ATP10A: variants seen among roughly 807,000 people sequenced by gnomAD.
ATP10A encodes the protein phospholipid-transporting ATPase VA.
ATP10A carries 111 observed loss-of-function variants against 147.8 expected under a neutral mutation model. The observed-to-expected ratio is 0.75, with a 90% CI of 0.64 to 0.88. The LOEUF (loss-of-function observed/expected upper bound fraction) is 0.88. Ranked by LOEUF, ATP10A falls within the 40% of genes least tolerant of loss-of-function variation. The probability of loss-of-function intolerance (pLI) is 0.00; values close to 1 mark genes in which losing one functional copy is unlikely to be tolerated. For synonymous variants in ATP10A, 875 were observed against 841.6 expected, an observed-to-expected ratio of 1.04 and a Z score of -0.69; for missense variants, 1,927 against 1,959.0, an observed-to-expected ratio of 0.98 and a Z score of 0.31.
At chr15:25,698,662 T>C (rs538068038) in intron 13 of ATP10A, among the ~76,000 whole-genome samples, 1 of 152,292 alleles carries the variant, frequency 6.6e-6, no homozygotes, top group East Asian at 1.9e-4. Flanking sequence ...TATAAACTGA[T>C]GGAAAATAAA....
intron 2 of ATP10A, among the ~76,000 whole-genome samples, chr15:25,764,096 G>C (rs11852451): frequency 0.041 from 6,189 of 152,158 alleles, 354 homozygotes; most frequent in African/African-American, 0.13. Flanking sequence ...AATCCCCCAG[G>C]ATCTTGTCAA....
chr15:25,736,196 T>C, intron 2 of ATP10A, 55 bp from the exon 3 acceptor site: 1 of 1,444,606 alleles, frequency 6.9e-7, no homozygotes. Context: ...TGCGCCGTTC[T>C]AAAAGGCACT....
chr15:25,751,723 A>G (rs988815458), intron 2 of ATP10A, among the ~76,000 whole-genome samples: 1 of 152,186 alleles, frequency 6.6e-6, no homozygotes, highest in Admixed American at 6.5e-5. Flanking sequence ...TTGGGAGAAA[A>G]TATCTGCAAG....
intron 15 of ATP10A, among the ~76,000 whole-genome samples, chr15:25,690,093 C>T (rs898235741): frequency 2.0e-5 from 3 of 152,200 alleles, no homozygotes; most frequent in Admixed American, 6.5e-5. Context: ...TTTCTGACTC[C>T]CTCAAAACTT....
intron 2 of ATP10A, among the ~76,000 whole-genome samples, chr15:25,740,814 T>C (rs7176180): frequency 0.29 from 43,650 of 152,172 alleles, 8,517 homozygotes; most frequent in African/African-American, 0.54. Context: ...TGGAGACAGC[T>C]GCTGCCCTAC....
At chr15:25,828,828 G>A (rs1892228062) in intron 1 of ATP10A, among the ~76,000 whole-genome samples, 1 of 152,102 alleles carries the variant, frequency 6.6e-6, no homozygotes, top group Admixed American at 6.6e-5. Context: ...TGTTTTACAT[G>A]TGCTGTTGTA....
At chr15:25,706,770 G>A (rs143966421) in intron 12 of ATP10A, among the ~76,000 whole-genome samples, 4 of 152,324 alleles carry the variant, frequency 2.6e-5, no homozygotes, top group Non-Finnish European at 5.9e-5. Context: ...GTGCTGTCCA[G>A]GGGAAAAGCT....
chr15:25,701,270 C>T (rs957931482), intron 13 of ATP10A, among the ~76,000 whole-genome samples: 1 of 152,128 alleles, frequency 6.6e-6, no homozygotes, highest in African/African-American at 2.4e-5. Context: ...CGACAAAGTC[C>T]CAAGGTCCTG....
rs184402757 is a variant in ATP10A, at chr15:25,779,129, G to A, written c.654+1890C>T. On this transcript the variant is annotated intron_variant, in intron 2 of 20. Transcript: ENST00000555815. ...TGACCTCAAGTGATCCACCCGCCTCGGCCTCCCAAAGTGCTGGGATTACAG... is the reference window on the plus strand; with the variant it reads ...TGACCTCAAGTGATCCACCCGCCTCAGCCTCCCAAAGTGCTGGGATTACAG... Among the ~76,000 whole-genome samples, 1,008 of 152,008 alleles carry A rather than the reference G, an allele frequency of 6.6e-3. 8 individuals carry two copies. The highest frequency in any genetic ancestry group is 0.01 in the Admixed American group (159 of 15,272).
Position 25,727,224 on chromosome 15 carries a change from G to T in ATP10A, c.783C>A (p.Asn261Lys), listed in dbSNP as rs752015152. 1 of 1,613,832 alleles carries T rather than the reference G, an allele frequency of 6.2e-7. No homozygotes were observed. Among genetic ancestry groups the T allele is most frequent in the Admixed American group, 1.7e-5 (1 of 59,954 alleles). Residue 261 changes from asparagine to lysine, a missense_variant, in exon 4 of 21, where the codon AAC (asparagine) becomes AAA (lysine). By Grantham distance (94) the Asn-to-Lys change is moderately conservative (BLOSUM62 0). Coordinates refer to ENST00000555815, the MANE Select transcript of ATP10A (RefSeq NM_024490.4). ...NGKKAGLYKE[N>K]LLLRGCTLRN... ...TAAGGGTGCAGCCCCTCAGCAGCAG[G>T]TTTTCTTTATACAGCCCGGCCTTTT...
chr15:25,841,095 GCT>G (rs1892792663), intron 1 of ATP10A, among the ~76,000 whole-genome samples: 1 of 152,030 alleles, frequency 6.6e-6, no homozygotes, highest in African/African-American at 2.4e-5. Context: ...GAATTTCTCT[GCT>G]CTTTTTCATT....
chr15:25,772,023 A>G (rs1567372124), intron 2 of ATP10A, among the ~76,000 whole-genome samples: 1 of 152,162 alleles, frequency 6.6e-6, no homozygotes, highest in Non-Finnish European at 1.5e-5. Context: ...AAGTGCTGGG[A>G]TGACAGGTGT....
At position 25,713,816 on chromosome 15, in the gene ATP10A, G is replaced by T; in HGVS notation, c.2202C>A (p.Phe734Leu). Residue 734 changes from phenylalanine to leucine, a missense_variant, in exon 10 of 21, where the codon TTC becomes TTA. Transcript: ENST00000555815. ...CGAAACCCAGTGTGTGCAGGAGCTCGAAGGTGAGCCTGCCCAGGTGGGGCA... is the reference window on the plus strand; with the variant it reads ...CGAAACCCAGTGTGTGCAGGAGCTCTAAGGTGAGCCTGCCCAGGTGGGGCA... ...VELPHLGRLTFELLHTLGFDS... is the reference protein window; with the variant it reads ...VELPHLGRLTLELLHTLGFDS... 6.2e-7 allele frequency: 1 copy of T among 1,614,084 alleles called. No individual in the cohort carries two copies. Among genetic ancestry groups the T allele is most frequent in the East Asian group, 2.2e-5 (1 of 44,866 alleles).
chr15:25,702,978 T>C (rs1900760082), intron 12 of ATP10A, among the ~76,000 whole-genome samples: 1 of 152,054 alleles, frequency 6.6e-6, no homozygotes, highest in East Asian at 1.9e-4. Context: ...GTGGTAGTAT[T>C]AGGATGTGGG....
At chr15:25,689,495 C>T (rs1899893492) in intron 15 of ATP10A, among the ~76,000 whole-genome samples, 1 of 152,168 alleles carries the variant, frequency 6.6e-6, no homozygotes, top group Non-Finnish European at 1.5e-5. Flanking sequence ...TCAGCTCTGA[C>T]ATCTCTGGCA....
chr15:25,853,686 T>C (rs1839368648), intron 1 of ATP10A, among the ~76,000 whole-genome samples: 1 of 151,658 alleles, frequency 6.6e-6, no homozygotes, highest in Admixed American at 6.6e-5. Context: ...GAATTGACAA[T>C]CACCACAATG....
At chr15:25,749,554 G>A (rs565031114) in intron 2 of ATP10A, among the ~76,000 whole-genome samples, 1 of 152,188 alleles carries the variant, frequency 6.6e-6, no homozygotes, top group African/African-American at 2.4e-5. Context: ...TGCAGTCCTG[G>A]GCACAACTCA....
chr15:25,701,878 C>T, intron 13 of ATP10A, 38 bp downstream of exon 13: 3 of 1,549,578 alleles, frequency 1.9e-6, no homozygotes, highest in South Asian at 2.5e-5. Context: ...ATGGACCACC[C>T]CAGGGGAAGG....
At chr15:25,742,065 A>G (rs1405722072) in intron 2 of ATP10A, among the ~76,000 whole-genome samples, 2 of 152,248 alleles carry the variant, frequency 1.3e-5, no homozygotes, top group Non-Finnish European at 2.9e-5. Flanking sequence ...TGATTGTATT[A>G]TTTAAGGTAT....
Sources: allele counts gnomAD v4.1 joint callset (sites outside exome capture counted in the v4.1 genomes callset), GRCh38; gene constraint gnomAD v4.1.1; transcripts MANE v1.5; gene names NCBI Gene and HGNC (gene_info 2026-07-23, HGNC 2026-07-21).